Variants in SRGAP3 observed in about 807,000 individuals in gnomAD.
SRGAP3 encodes SLIT-ROBO Rho GTPase activating protein 3.
A neutral mutation model predicts 121.1 loss-of-function variants in SRGAP3; 39 were observed. That is an observed-to-expected ratio of 0.32 (90% CI 0.25 to 0.42). The LOEUF is 0.42. SRGAP3 is among the 10% of genes least tolerant of loss of function. The pLI is 1.00. For synonymous variants in SRGAP3, 601 were observed against 570.0 expected (o/e 1.05, Z -0.77); for missense variants, 1,213 against 1,470.6 (o/e 0.82, Z 2.86).
chr3:9,123,403 C>T (rs1259174714), intron 2 of SRGAP3, among the ~76,000 whole-genome samples: 102 of 3,468 alleles, frequency 0.029, no homozygotes, highest in Middle Eastern at 0.5. Context: ...ACACAATACA[C>T]ATACATACAC....
At position 8,992,611 on chromosome 3, in the gene SRGAP3, A is replaced by G. The variant is rs1942122371; in HGVS notation, c.2558+295T>C. On this transcript the variant is annotated intron_variant, in intron 20 of 21. Coordinates refer to ENST00000383836, the MANE Select transcript of SRGAP3 (RefSeq NM_014850.4). ...GTGCAGGAACTGGACACAGGTAGGA[A>G]AAATACTTGCCAATTTGTATCTCTC... 4 of 505,600 alleles carry G rather than the reference A, an allele frequency of 7.9e-6. No individual in the cohort carries two copies. The South Asian group carries it at 8.8e-5, about 11-fold the overall frequency. The allele number at this position is 505,600 out of a possible 1,614,324, so 31.3% of individuals were successfully genotyped here. A position where few individuals can be genotyped will look rare whatever the true frequency, so the allele number is the denominator to read the frequency against.
chr3:9,077,498 A>G (rs1996299), intron 4 of SRGAP3, among the ~76,000 whole-genome samples: 111,143 of 152,102 alleles, frequency 0.73, 41,151 homozygotes, highest in African/African-American at 0.86. Context: ...GATCTTCACA[A>G]GGGGTGTGCT....
intron 2 of SRGAP3, among the ~76,000 whole-genome samples, chr3:9,108,784 T>C (rs1948514130): frequency 6.6e-6 from 1 of 151,984 alleles, no homozygotes; most frequent in Non-Finnish European, 1.5e-5. Flanking sequence ...TATGGGGCTT[T>C]TGGTAAGAGG....
chr3:9,124,579 G>T, intron 2 of SRGAP3, 146 bp downstream of exon 2: 1 of 981,544 alleles, frequency 1.0e-6, no homozygotes, highest in Non-Finnish European at 1.5e-6. Flanking sequence ...AGGCTTGGAG[G>T]TGTAAGTAAC....
intron 11 of SRGAP3, 77 bp from the exon 12 acceptor site, chr3:9,032,829 C>T: frequency 1.5e-6 from 2 of 1,330,648 alleles, no homozygotes; most frequent in African/African-American, 1.4e-5. Context: ...CTCTTAAAAC[C>T]CACGACTAAA....
At chr3:9,017,602 G>A (rs1218044104) in intron 14 of SRGAP3, among the ~76,000 whole-genome samples, 1 of 152,164 alleles carries the variant, frequency 6.6e-6, no homozygotes. Context: ...GAGGATATTG[G>A]GAGGGACTTG....
chr3:9,173,463 G>T (rs116809261), intron 1 of SRGAP3, among the ~76,000 whole-genome samples: 1 of 152,208 alleles, frequency 6.6e-6, no homozygotes, highest in Non-Finnish European at 1.5e-5. Context: ...CACTCAAGCC[G>T]CTCACTGGAC....
In SRGAP3 at chr3:8,992,896, C is replaced by T. The variant is rs1280437915; in HGVS notation, c.2558+10G>A. 16 of 1,614,012 alleles carry T rather than the reference C, an allele frequency of 9.9e-6. No homozygotes were observed. Among genetic ancestry groups the T allele is most frequent in the Non-Finnish European group, 1.2e-5 (14 of 1,180,030 alleles). ...CACCAGCAGGGAAAAAATGAATCCG[C>T]ATATCCTACCGGCCCATCACCCCCC... On this transcript the variant is annotated intron_variant, in intron 20 of 21. Transcript: ENST00000383836.
chr3:9,337,848 T>C (rs934026401), intron 1 of SRGAP3, among the ~76,000 whole-genome samples: 1 of 152,190 alleles, frequency 6.6e-6, no homozygotes, highest in Non-Finnish European at 1.5e-5. Context: ...AAACAATACA[T>C]ACTAAGGCAT....
At chr3:9,171,138 C>T (rs1398061017) in intron 1 of SRGAP3, among the ~76,000 whole-genome samples, 1 of 152,222 alleles carries the variant, frequency 6.6e-6, no homozygotes, top group African/African-American at 2.4e-5. Context: ...GCAGCCTCCA[C>T]AGAGCCCCAT....
chr3:9,189,836 A>T (rs1272378568), intron 1 of SRGAP3, among the ~76,000 whole-genome samples: 1 of 152,240 alleles, frequency 6.6e-6, no homozygotes, highest in Non-Finnish European at 1.5e-5. Context: ...GAGTAAATTG[A>T]TAAAAAGAAC....
chr3:9,214,841 T>C (rs1188876057), intron 1 of SRGAP3, among the ~76,000 whole-genome samples: 1 of 152,150 alleles, frequency 6.6e-6, no homozygotes, highest in African/African-American at 2.4e-5. Flanking sequence ...GAAAATTCAT[T>C]GTAGGAAACT....
intron 3 of SRGAP3, among the ~76,000 whole-genome samples, chr3:9,092,600 C>T (rs969573497): frequency 6.6e-6 from 1 of 152,188 alleles, no homozygotes; most frequent in African/African-American, 2.4e-5. Flanking sequence ...ATATTCTCAA[C>T]CAAGCTGCCT....
chr3:9,048,787 G>A (rs1307934262), intron 9 of SRGAP3, among the ~76,000 whole-genome samples: 2 of 152,186 alleles, frequency 1.3e-5, no homozygotes, highest in Non-Finnish European at 1.5e-5. Context: ...TCATGCCACT[G>A]CACTCCATCC....
intron 1 of SRGAP3, among the ~76,000 whole-genome samples, chr3:9,332,609 C>T (rs888455315): frequency 6.6e-6 from 1 of 152,196 alleles, no homozygotes; most frequent in Admixed American, 6.5e-5. Flanking sequence ...AAAAGAATGT[C>T]AAGAGAGTTT....
rs558262995 is a variant in SRGAP3, at chr3:9,047,924, G to GAAAGA, written c.1324-450_1324-449insTCTTT. On this transcript the variant is annotated intron_variant, in intron 9 of 21. Coordinates refer to ENST00000383836, the MANE Select transcript of SRGAP3 (RefSeq NM_014850.4). Reference sequence around the variant, plus strand: ...TCGGATCTGTCAGAGAGGAGCCTCGGAACGAGTCTTCCTTTCATCTGGCCC... The same window carrying GAAAGA: ...TCGGATCTGTCAGAGAGGAGCCTCGGAAAGAAACGAGTCTTCCTTTCATCTGGCCC... 5.8e-3 allele frequency among the ~76,000 whole-genome samples: 885 copies of GAAAGA among 152,360 alleles called. 3 individuals carry two copies. The highest frequency in any genetic ancestry group is 0.014 in the Middle Eastern group (4 of 294).
At chr3:9,129,925 A>C (rs1949381169) in intron 1 of SRGAP3, among the ~76,000 whole-genome samples, 1 of 151,854 alleles carries the variant, frequency 6.6e-6, no homozygotes, top group African/African-American at 2.4e-5. Context: ...CCACACCTGA[A>C]TAATTTTTGT....
chr3:9,127,471 C>T (rs1455365588), intron 1 of SRGAP3, among the ~76,000 whole-genome samples: 2 of 152,042 alleles, frequency 1.3e-5, no homozygotes, highest in African/African-American at 2.4e-5. Context: ...TGTTTTGAGA[C>T]GGAGTCTCGC....
At chr3:9,231,090 C>G (rs560972883) in intron 1 of SRGAP3, among the ~76,000 whole-genome samples, 1 of 152,060 alleles carries the variant, frequency 6.6e-6, no homozygotes, top group African/African-American at 2.4e-5. Flanking sequence ...CCAGCTTTGT[C>G]GAGCCACTGG....
Sources: allele counts gnomAD v4.1 joint callset (sites outside exome capture counted in the v4.1 genomes callset), GRCh38; gene constraint gnomAD v4.1.1; transcripts MANE v1.5; gene names NCBI Gene and HGNC (gene_info 2026-07-23, HGNC 2026-07-21).